The following KCNMA1 variants were observed in gnomAD, a reference collection of about 807,000 sequenced individuals.
KCNMA1 encodes Calcium-activated potassium channel subunit alpha-1.
A neutral mutation model predicts 140.0 loss-of-function variants in KCNMA1; 29 were observed. The ratio of observed to expected loss-of-function variants is 0.21; its 90% confidence interval spans 0.15 to 0.28. The LOEUF is 0.28. Ranked by LOEUF, KCNMA1 falls within the 10% of genes least tolerant of loss-of-function variation. The pLI, the probability that KCNMA1 is intolerant of heterozygous loss-of-function variation, is 1.00. For missense variants in KCNMA1, 880 were observed against 1,602.2 expected, an observed-to-expected ratio of 0.55 and a Z score of 7.70; for synonymous variants, 612 against 611.9, an observed-to-expected ratio of 1.00 and a Z score of 0.00.
chr10:77,043,900 G>C (rs2094884392), intron 14 of KCNMA1, among the ~76,000 whole-genome samples: 1 of 152,206 alleles, frequency 6.6e-6, no homozygotes, highest in Non-Finnish European at 1.5e-5. Context: ...GATAAAAAGA[G>C]TTCCGGAAGT....
downstream of KCNMA1, chr10:76,875,410 T>C (rs2032194021): frequency 1.3e-5 from 2 of 152,022 alleles, no homozygotes; most frequent in Non-Finnish European, 1.5e-5. Flanking sequence ...CTAACTATTA[T>C]GATTTTTTTT....
intron 2 of KCNMA1, among the ~76,000 whole-genome samples, chr10:77,381,050 G>A (rs1390190157): frequency 6.6e-6 from 1 of 152,094 alleles, no homozygotes; most frequent in African/African-American, 2.4e-5. Context: ...AAGGTTCTCT[G>A]AATTAGATGA....
chr10:77,317,215 C>T (rs2081110096), intron 2 of KCNMA1, among the ~76,000 whole-genome samples: 2 of 152,196 alleles, frequency 1.3e-5, no homozygotes, highest in Admixed American at 6.5e-5. Context: ...GGTCTTTCCA[C>T]TTGGCCACAG....
chr10:77,157,335 G>A (rs59190966), intron 5 of KCNMA1, among the ~76,000 whole-genome samples: 15,927 of 152,062 alleles, frequency 0.1, 1,017 homozygotes, highest in Middle Eastern at 0.18. Context: ...CCAGCTACTC[G>A]GGAGGCTAGT....
At chr10:77,448,893 C>A (rs917859766) in intron 1 of KCNMA1, among the ~76,000 whole-genome samples, 68 of 152,104 alleles carry the variant, frequency 4.5e-4, no homozygotes, top group African/African-American at 1.5e-3. Context: ...TCGAGACCAG[C>A]CAGACTAACA....
chr10:77,564,020 A>G (rs116551998), intron 1 of KCNMA1, among the ~76,000 whole-genome samples: 2,231 of 152,218 alleles, frequency 0.015, 60 homozygotes, highest in African/African-American at 0.051. Flanking sequence ...ATATAAATGT[A>G]CCTCCTTATT....
rs528862050 is a variant in KCNMA1, at chr10:76,956,845, G to A, written c.2361-2921C>T. On this transcript the variant is annotated intron_variant, in intron 20 of 27. Transcript: ENST00000286628. ...TTGCAAAGAAAGTAGCATTTGGGCCGGGCGTGGTGGCTCAGGCCTGTAATC... is the reference window on the plus strand; with the variant it reads ...TTGCAAAGAAAGTAGCATTTGGGCCAGGCGTGGTGGCTCAGGCCTGTAATC... 1.1e-3 allele frequency among the ~76,000 whole-genome samples: 163 copies of A among 152,208 alleles called. 2 individuals carry two copies. The highest frequency in any genetic ancestry group is 3.6e-3 in the African/African-American group (148 of 41,532).
intron 1 of KCNMA1, among the ~76,000 whole-genome samples, chr10:77,417,351 T>C (rs2096765220): frequency 6.6e-6 from 1 of 152,138 alleles, no homozygotes; most frequent in African/African-American, 2.4e-5. Flanking sequence ...CATACAGCAA[T>C]GTGCTTAACA....
chr10:77,028,063 T>C (rs752129293), intron 15 of KCNMA1, among the ~76,000 whole-genome samples, 172 bp from the exon 16 acceptor site: 7 of 152,146 alleles, frequency 4.6e-5, no homozygotes, highest in Non-Finnish European at 2.9e-5. Context: ...CCATCTTCCC[T>C]ATTAAACCTG....
intron 14 of KCNMA1, among the ~76,000 whole-genome samples, chr10:77,070,036 G>A (rs760184954): frequency 2.0e-5 from 3 of 152,054 alleles, no homozygotes; most frequent in South Asian, 2.1e-4. Flanking sequence ...GGCTGGTCTC[G>A]AACTCCTGAC....
chr10:77,333,454 GA>G (rs894638312), intron 2 of KCNMA1, among the ~76,000 whole-genome samples: 4 of 151,322 alleles, frequency 2.6e-5, no homozygotes, highest in East Asian at 1.9e-4. Flanking sequence ...GAAAAGAAAA[GA>G]AAAGGAAAAA....
chr10:77,103,898 C>T (rs1013613448), intron 9 of KCNMA1, among the ~76,000 whole-genome samples: 7 of 152,122 alleles, frequency 4.6e-5, no homozygotes, highest in African/African-American at 7.2e-5. Context: ...ATCATGAGCA[C>T]GGTACTCTGG....
intron 1 of KCNMA1, among the ~76,000 whole-genome samples, chr10:77,611,401 G>C (rs1352721755): frequency 6.6e-6 from 1 of 152,200 alleles, no homozygotes; most frequent in Non-Finnish European, 1.5e-5. Flanking sequence ...GCAGATTAGA[G>C]TGACAGAAAG....
chr10:77,501,983 C>A (rs2044084737), intron 1 of KCNMA1, among the ~76,000 whole-genome samples: 1 of 152,208 alleles, frequency 6.6e-6, no homozygotes, highest in Non-Finnish European at 1.5e-5. Context: ...TACACTCGAG[C>A]ATTTTAGAGC....
intron 1 of KCNMA1, among the ~76,000 whole-genome samples, chr10:77,499,682 A>G (rs1028176332): frequency 5.3e-5 from 8 of 152,212 alleles, no homozygotes; most frequent in African/African-American, 1.7e-4. Flanking sequence ...AAGATTAAAC[A>G]GGTGTTAAAT....
intron 2 of KCNMA1, among the ~76,000 whole-genome samples, chr10:77,293,569 A>T (rs1029544421): frequency 3.9e-5 from 6 of 152,208 alleles, no homozygotes; most frequent in African/African-American, 1.4e-4. Context: ...ATAGCCTTGC[A>T]TTCCAAGGTG....
At chr10:77,082,833 A>G (rs1395131330) in intron 12 of KCNMA1, among the ~76,000 whole-genome samples, 1 of 152,184 alleles carries the variant, frequency 6.6e-6, no homozygotes, top group African/African-American at 2.4e-5. Context: ...TTGCCAAAGA[A>G]AACTGAGTGG....
chr10:77,437,239 T>C (rs2097284330), intron 1 of KCNMA1, among the ~76,000 whole-genome samples: 1 of 151,926 alleles, frequency 6.6e-6, no homozygotes, highest in African/African-American at 2.4e-5. Flanking sequence ...TAGTACCTGG[T>C]GGACAATAGG....
chr10:77,022,523 G>A (rs1011562322), intron 16 of KCNMA1, among the ~76,000 whole-genome samples: 3 of 152,070 alleles, frequency 2.0e-5, no homozygotes, highest in South Asian at 2.1e-4. Flanking sequence ...TTTAAGTCTC[G>A]ACTTATTCTT....
Sources: gnomAD v4.1 joint callset for allele counts (sites outside exome capture counted in the v4.1 genomes callset) on GRCh38, gnomAD v4.1.1 for gene constraint, MANE v1.5 for transcripts, NCBI Gene and HGNC (gene_info 2026-07-23, HGNC 2026-07-21) for gene names.